HERC5: variants seen among roughly 807,000 people sequenced by gnomAD.
HERC5 encodes the protein E3 ISG15--protein ligase HERC5.
In HERC5, 99 loss-of-function variants were observed where a neutral mutation model predicts 119.6. That is an observed-to-expected ratio of 0.83 (90% CI 0.70 to 0.98). HERC5 has a LOEUF of 0.98. Ranked by LOEUF, HERC5 falls within the 50% of genes least tolerant of loss-of-function variation. The pLI, the probability that HERC5 is intolerant of heterozygous loss-of-function variation, is 0.00. For synonymous variants in HERC5, 478 were observed against 445.9 expected (o/e 1.07, Z -0.91); for missense variants, 1,267 against 1,241.3 (o/e 1.02, Z -0.31).
intron 15 of HERC5, 107 bp downstream of exon 15, chr4:88,487,286 T>C (rs1024558307): frequency 1.7e-6 from 1 of 603,592 alleles, no homozygotes; most frequent in Non-Finnish European, 3.0e-6. Flanking sequence ...GTGAAACCAA[T>C]GGTTGTGGCA....
rs897574937 is a variant in HERC5, at chr4:88,506,118, C to T, written c.*240C>T. 6.3e-5 allele frequency: 27 copies of T among 426,056 alleles called. No individual in the cohort carries two copies. The highest frequency in any genetic ancestry group is 1.1e-4 in the Non-Finnish European group (26 of 242,360). The allele number at this position is 426,056 out of a possible 1,614,324, so 26.4% of individuals were successfully genotyped here. ...CCTATGCCTACATCATATTCCTTAC[C>T]TCTTTTGGGAAATATTTTTCAAAAA... On this transcript the variant is annotated 3_prime_UTR_variant, in exon 23 of 23. Transcript: ENST00000264350.
At chr4:88,477,544 A>C (rs1481681808) in intron 12 of HERC5, among the ~76,000 whole-genome samples, 1 of 69,736 alleles carries the variant, frequency 1.4e-5, no homozygotes. Context: ...GGGAAGGGGA[A>C]GTGGGGGAGG....
At chr4:88,494,793 A>T (rs1741752992) in intron 18 of HERC5, among the ~76,000 whole-genome samples, 1 of 152,234 alleles carries the variant, frequency 6.6e-6, no homozygotes, top group African/African-American at 2.4e-5. Context: ...CAAAGTATCC[A>T]AGAAGGCAAC....
intron 13 of HERC5, among the ~76,000 whole-genome samples, chr4:88,479,941 C>G (rs1578054655): frequency 6.6e-6 from 1 of 152,116 alleles, no homozygotes; most frequent in Admixed American, 6.5e-5. Flanking sequence ...GTGGCGGGCG[C>G]CTGTAGTCCC....
In HERC5 at chr4:88,487,130, A is replaced by C. The variant is rs1269059233; in HGVS notation, c.1913A>C (p.Asn638Thr). The C allele has an allele frequency of 6.2e-7, 1 of 1,610,924 alleles. No individual in the cohort carries two copies. Among genetic ancestry groups the C allele is most frequent in the Non-Finnish European group, 8.5e-7 (1 of 1,177,854 alleles). ...IFSHFPFIFN[N>T]LSKIKLLHTD... ...AGTCACTTTCCATTTATCTTTAATA[A>C]TCTGTCGAAAATTAAACTACTACAT... is the stretch of plus-strand genomic sequence containing the variant. Residue 638 changes from asparagine (N) to threonine (T), a missense_variant, in exon 15 of 23, where the codon AAT (asparagine) becomes ACT (threonine). Transcript: ENST00000264350.
In HERC5 at chr4:88,468,439, A is replaced by T; in HGVS notation, c.1134+17A>T. 6.4e-7 allele frequency: 1 copy of T among 1,555,434 alleles called. No homozygotes were observed. Among genetic ancestry groups the T allele is most frequent in the Non-Finnish European group, 8.8e-7 (1 of 1,130,572 alleles). On this transcript the variant is annotated intron_variant, in intron 8 of 22. Coordinates refer to ENST00000264350, the MANE Select transcript of HERC5 (RefSeq NM_016323.4). ...AAGAAAGAGGTAAAAATAGATCTCC[A>T]GGTGTTCTATAACCTGGTATTTTAA...
intron 15 of HERC5, among the ~76,000 whole-genome samples, chr4:88,488,278 C>G (rs1279710516): frequency 6.7e-6 from 1 of 148,998 alleles, no homozygotes; most frequent in Non-Finnish European, 1.5e-5. Flanking sequence ...GTTGCCCAGA[C>G]TGGAGTGCAG....
At chr4:88,465,590 T>C (rs1325882858) in intron 6 of HERC5, among the ~76,000 whole-genome samples, 1 of 152,220 alleles carries the variant, frequency 6.6e-6, no homozygotes, top group East Asian at 1.9e-4. Flanking sequence ...AAAGCAGTCT[T>C]ATCACCTCTT....
chr4:88,476,173 A>G (rs777359798), intron 12 of HERC5, 143 bp downstream of exon 12: 2 of 609,432 alleles, frequency 3.3e-6, no homozygotes, highest in East Asian at 3.0e-5. Context: ...AGGTACTATA[A>G]CAATTACCAT....
chr4:88,504,355 C>T lies in HERC5; in HGVS notation c.2706C>T (p.Pro902=), dbSNP rs771189296. ...AAGACATTATCAAATTATTCCACCCCGAAGAACTGAAGGATGTGATTGTTG... is the reference window on the plus strand; with the variant it reads ...AAGACATTATCAAATTATTCCACCCTGAAGAACTGAAGGATGTGATTGTTG... The part of the protein sequence containing the change: ...CDEDIIKLFH[P]EELKDVIVGN... Residue 902 remains proline (P), a synonymous_variant, in exon 21 of 23, where the codon CCC becomes CCT. Transcript: ENST00000264350. The T allele has an allele frequency of 6.2e-5, 100 of 1,611,614 alleles. 1 individual carries two copies. The South Asian group carries it at 9.2e-4, about 15-fold the overall frequency.
intron 10 of HERC5, among the ~76,000 whole-genome samples, chr4:88,471,295 T>C (rs901838112): frequency 3.3e-5 from 5 of 152,126 alleles, no homozygotes; most frequent in Non-Finnish European, 5.9e-5. Context: ...TACATTGTTT[T>C]CTACCTAATA....
intron 20 of HERC5, among the ~76,000 whole-genome samples, chr4:88,503,763 G>A (rs1440671255): frequency 1.3e-5 from 2 of 152,030 alleles, no homozygotes; most frequent in African/African-American, 4.8e-5. Flanking sequence ...ATATGATGGA[G>A]TTGTTATAAA....
intron 22 of HERC5, 51 bp from the exon 23 acceptor site, chr4:88,505,622 G>T (rs1430698196): frequency 6.6e-6 from 7 of 1,064,448 alleles, no homozygotes; most frequent in Non-Finnish European, 9.8e-6. Flanking sequence ...TCTGTAAAGA[G>T]ATTTTGGTCT....
At position 88,458,175 on chromosome 4, in the gene HERC5, G is replaced by A. The variant is rs897435593; in HGVS notation, c.265+641G>A. 7.6e-6 allele frequency: 5 copies of A among 654,430 alleles called. No homozygotes were observed. The African/African-American group carries it at 7.9e-5, about 10-fold the overall frequency. 40.5% of individuals were successfully genotyped at this position (654,430 alleles called of 1,614,324 possible). A position where few individuals can be genotyped will look rare whatever the true frequency, so the allele number is the denominator to read the frequency against. On this transcript the variant is annotated intron_variant, in intron 1 of 22. Transcript: ENST00000264350. The stretch of plus-strand genomic sequence containing the variant: ...TGTTAAATCTTTTTCTTATTTGTAT[G>A]GAAGAGGTATTTGAATATTGAATAA...
chr4:88,461,986 C>T, intron 3 of HERC5, 149 bp from the exon 4 acceptor site: 2 of 659,694 alleles, frequency 3.0e-6, no homozygotes, highest in Non-Finnish European at 2.6e-6. Context: ...CTGTGTTTTT[C>T]TGTGGCAGAC....
At position 88,480,796 on chromosome 4, in the gene HERC5, A is replaced by G. The variant is rs896132301; in HGVS notation, c.1737+1289A>G. On this transcript the variant is annotated intron_variant, in intron 13 of 22. Transcript: ENST00000264350. ...GCATATTTTCATGTTTGTAATTGCA[A>G]TATTTGTTTCCCCTTCTGTGAAATG... Among the ~76,000 whole-genome samples the G allele has an allele frequency of 2.6e-5, 4 of 152,156 alleles. No individual in the cohort carries two copies. The South Asian group carries it at 8.3e-4, about 32-fold the overall frequency.
At chr4:88,502,456 G>T (rs967849657) in intron 20 of HERC5, among the ~76,000 whole-genome samples, 2 of 152,150 alleles carry the variant, frequency 1.3e-5, no homozygotes, top group Non-Finnish European at 2.9e-5. Flanking sequence ...TGGTGGTTCC[G>T]TGGGGCCAGG....
At chr4:88,489,375 A>G in intron 16 of HERC5, 39 bp downstream of exon 16, 1 of 1,534,808 alleles carries the variant, frequency 6.5e-7, no homozygotes, top group Non-Finnish European at 8.8e-7. Flanking sequence ...TGCTGCTGAG[A>G]AAAGAAAAAC....
At chr4:88,472,644 A>G in intron 11 of HERC5, 142 bp downstream of exon 11, 1 of 658,992 alleles carries the variant, frequency 1.5e-6, no homozygotes, top group Non-Finnish European at 2.7e-6. Flanking sequence ...CTCAGATAAC[A>G]TTTAGGAGTT....
Sources: allele counts gnomAD v4.1 joint callset (sites outside exome capture counted in the v4.1 genomes callset), GRCh38; gene constraint gnomAD v4.1.1; transcripts MANE v1.5; gene names NCBI Gene and HGNC (gene_info 2026-07-23, HGNC 2026-07-21).